Variants in ACADSB observed in about 807,000 individuals in gnomAD.
ACADSB encodes the protein acyl-CoA dehydrogenase short/branched chain.
In ACADSB, 40 loss-of-function variants were observed where a neutral mutation model predicts 54.1. That is an observed-to-expected ratio of 0.74 (90% confidence interval 0.57 to 0.96). The LOEUF is 0.96. ACADSB is among the 40% of genes least tolerant of loss of function. ACADSB has a pLI of 0.00. For synonymous variants in ACADSB, 182 were observed against 182.8 expected, an observed-to-expected ratio of 1.00 and a Z score of 0.03; for missense variants, 530 against 510.4, an observed-to-expected ratio of 1.04 and a Z score of -0.37.
chr10:123,053,860 C>A lies in ACADSB; in HGVS notation c.*95C>A. 1.8e-6 allele frequency: 2 copies of A among 1,110,440 alleles called. No homozygotes were observed. Among genetic ancestry groups the A allele is most frequent in the East Asian group, 2.4e-5 (1 of 42,350 alleles). The allele number at this position is 1,110,440 out of a possible 1,614,324, so 68.8% of individuals were successfully genotyped here. Reference sequence around the variant, plus strand: ...AGTAAGTGCCTTGCGTGGGAATAAACTTCCACAGCATTCGAATATTTTAAT... The same window carrying A: ...AGTAAGTGCCTTGCGTGGGAATAAAATTCCACAGCATTCGAATATTTTAAT... On this transcript the variant is annotated 3_prime_UTR_variant, in exon 11 of 11. Transcript: ENST00000358776.
At chr10:123,032,087 C>T (rs1278235756) in intron 1 of ACADSB, among the ~76,000 whole-genome samples, 1 of 151,918 alleles carries the variant, frequency 6.6e-6, no homozygotes, top group African/African-American at 2.4e-5. Context: ...TCAAGCAATT[C>T]TCCTGCCTCA....
At position 123,058,092 on chromosome 10, in the gene ACADSB, T is replaced by C. The variant is rs1033204157; in HGVS notation, c.*4327T>C. The C allele has an allele frequency of 6.6e-6, 1 of 152,230 alleles. No homozygotes were observed. Among genetic ancestry groups the C allele is most frequent in the African/African-American group, 2.4e-5 (1 of 41,466 alleles). The allele number at this position is 152,230 out of a possible 1,614,324, so 9.4% of individuals were successfully genotyped here. A position where few individuals can be genotyped will look rare whatever the true frequency, so the allele number is the denominator to read the frequency against. ...CATGTCAAATGTGAAGATTATTGTG[T>C]GGGATCCTTTGGTTTCATTGTTATG... On this transcript the variant is annotated 3_prime_UTR_variant, in exon 11 of 11. Coordinates refer to ENST00000358776, the MANE Select transcript of ACADSB (RefSeq NM_001609.4).
rs1264393818 is a variant in ACADSB, at chr10:123,041,207, A to G, written c.511-2A>G. 8 of 1,613,936 alleles carry G rather than the reference A, an allele frequency of 5.0e-6. No individual in the cohort carries two copies. The highest frequency in any genetic ancestry group is 8.5e-7 in the Non-Finnish European group (1 of 1,179,954). ...TTGGACATTTTTTTCTCCCATATGT[A>G]GGTAGGAAGTTTCTGCCTTTCAGAG... On this transcript the variant is annotated splice_acceptor_variant, in intron 4 of 10. Coordinates refer to ENST00000358776, the MANE Select transcript of ACADSB (RefSeq NM_001609.4). LOFTEE classifies it high-confidence loss of function.
intron 1 of ACADSB, among the ~76,000 whole-genome samples, chr10:123,022,297 T>G (rs1850193698): frequency 6.6e-6 from 1 of 152,174 alleles, no homozygotes; most frequent in African/African-American, 2.4e-5. Context: ...GTCACACAGA[T>G]ATCAAACCAG....
At chr10:123,025,482 T>C (rs562449105) in intron 1 of ACADSB, among the ~76,000 whole-genome samples, 1 of 151,464 alleles carries the variant, frequency 6.6e-6, no homozygotes, top group African/African-American at 2.4e-5. Flanking sequence ...AATAAATAAA[T>C]AAATAAATAA....
At chr10:123,012,492 G>A (rs1336012578) in intron 1 of ACADSB, among the ~76,000 whole-genome samples, 5 of 152,256 alleles carry the variant, frequency 3.3e-5, no homozygotes, top group African/African-American at 7.2e-5. Flanking sequence ...ACGGACCCTC[G>A]CGGTGAGTGC....
At position 123,051,188 on chromosome 10, in the gene ACADSB, TAA is replaced by T. The variant is rs10571424; in HGVS notation, c.1128+25_1128+26del. On this transcript the variant is annotated splice_donor_region_variant and intron_variant, in intron 9 of 10. Transcript: ENST00000358776. ...ATGGCCAAATACTATGCATCAGAGG[TAA>T]AAAAAAAAAAAAAAAAAAAAAAGGA... The T allele has an allele frequency of 0.18, 169,270 of 963,730 alleles. 1,277 individuals carry two copies. Among genetic ancestry groups the T allele is most frequent in the Non-Finnish European group, 0.18 (140,536 of 780,740 alleles). The allele number at this position is 963,730 out of a possible 1,614,324, so 59.7% of individuals were successfully genotyped here.
intron 1 of ACADSB, among the ~76,000 whole-genome samples, chr10:123,026,435 G>A (rs961307099): frequency 1.4e-4 from 22 of 152,038 alleles, no homozygotes; most frequent in Admixed American, 7.9e-4. Context: ...ATTTTATCAC[G>A]TGTAGATTTG....
chr10:123,038,088 A>C (rs1850423203), intron 3 of ACADSB, among the ~76,000 whole-genome samples: 1 of 152,226 alleles, frequency 6.6e-6, no homozygotes, highest in South Asian at 2.1e-4. Context: ...TTGTATCTTT[A>C]GACCAGCGGT....
chr10:123,051,527 G>A (rs1850633400), intron 9 of ACADSB, among the ~76,000 whole-genome samples: 1 of 152,294 alleles, frequency 6.6e-6, no homozygotes, highest in South Asian at 2.1e-4. Context: ...ATCCATGGCT[G>A]AGCCTCCTCT....
At chr10:123,013,311 A>T (rs547637987) in intron 1 of ACADSB, among the ~76,000 whole-genome samples, 2 of 152,354 alleles carry the variant, frequency 1.3e-5, no homozygotes, top group South Asian at 2.1e-4. Context: ...AGCTAGACAC[A>T]GGGTGCTGAT....
chr10:123,026,090 A>G (rs572713703), intron 1 of ACADSB, among the ~76,000 whole-genome samples: 29 of 152,194 alleles, frequency 1.9e-4, no homozygotes, highest in Middle Eastern at 6.8e-3. Flanking sequence ...ACAAACAAAA[A>G]AGAGAATGCC....
At chr10:123,015,352 G>A (rs184366348) in intron 1 of ACADSB, among the ~76,000 whole-genome samples, 6 of 152,270 alleles carry the variant, frequency 3.9e-5, no homozygotes, top group African/African-American at 9.6e-5. Flanking sequence ...CTACATTGTC[G>A]TTTTTGTTGT....
intron 4 of ACADSB, 61 bp from the exon 5 acceptor site, chr10:123,041,148 A>G: frequency 1.3e-6 from 2 of 1,538,726 alleles, no homozygotes; most frequent in Non-Finnish European, 1.8e-6. Context: ...TTCCATAAGT[A>G]TTTGTTATAC....
rs761534209 is a variant in ACADSB at position 123,041,296 on chromosome 10, G to A, written c.598G>A (p.Val200Ile). The part of the protein sequence containing the change: ...TRADKEGDYY[V>I]LNGSKMWISS... ...AGCTGATAAAGAGGGAGATTATTAT[G>A]TCCTCAATGGATCAAAGATGTGGAT... is the stretch of plus-strand genomic sequence containing the variant. The change falls in exon 5 of 11, where the codon GTC becomes ATC. Residue 200 changes from valine (V) to isoleucine (I), a missense_variant. Transcript: ENST00000358776. The A allele has an allele frequency of 6.2e-7, 1 of 1,614,184 alleles. No homozygotes were observed. The highest frequency in any genetic ancestry group is 8.5e-7 in the Non-Finnish European group (1 of 1,180,022).
intron 1 of ACADSB, among the ~76,000 whole-genome samples, chr10:123,017,613 G>A (rs775940123): frequency 6.6e-6 from 1 of 152,156 alleles, no homozygotes; most frequent in Non-Finnish European, 1.5e-5. Context: ...CCACCTCACC[G>A]GGTGGACACA....
intron 5 of ACADSB, among the ~76,000 whole-genome samples, chr10:123,041,819 G>T (rs1039207765): frequency 2.0e-5 from 3 of 152,108 alleles, no homozygotes; most frequent in Non-Finnish European, 2.9e-5. Context: ...ACCATTTTAT[G>T]TAAGGTACTT....
At chr10:123,023,121 A>G (rs1390470222) in intron 1 of ACADSB, among the ~76,000 whole-genome samples, 2 of 152,230 alleles carry the variant, frequency 1.3e-5, no homozygotes, top group Non-Finnish European at 2.9e-5. Flanking sequence ...GGCTAACAAC[A>G]TTAAATTACT....
At chr10:123,043,593 ATAGT>A (rs753678899) in intron 6 of ACADSB, among the ~76,000 whole-genome samples, 58 of 152,282 alleles carry the variant, frequency 3.8e-4, no homozygotes, top group South Asian at 8.3e-4. Flanking sequence ...GAAGATCCAG[ATAGT>A]TAGTGCTGAT....
Sources: gnomAD v4.1 joint callset for allele counts (sites outside exome capture counted in the v4.1 genomes callset) on GRCh38, gnomAD v4.1.1 for gene constraint, MANE v1.5 for transcripts, NCBI Gene and HGNC (gene_info 2026-07-23, HGNC 2026-07-21) for gene names.